PTGER3: variants seen among roughly 807,000 people sequenced by gnomAD.
PTGER3 encodes prostaglandin E2 receptor EP3 subtype.
A neutral mutation model predicts 34.7 loss-of-function variants in PTGER3; 22 were observed. The ratio of observed to expected loss-of-function variants is 0.63; its 90% CI spans 0.45 to 0.91. The LOEUF is 0.91. Ranked by LOEUF, PTGER3 falls within the 40% of genes least tolerant of loss-of-function variation. The pLI, the probability that PTGER3 is intolerant of heterozygous loss-of-function variation, is 0.00. For missense variants in PTGER3, 468 were observed against 519.4 expected, an observed-to-expected ratio of 0.90 and a Z score of 0.96; for synonymous variants, 241 against 230.1, an observed-to-expected ratio of 1.05 and a Z score of -0.43.
At chr1:70,983,322 G>A (rs1313294297) in intron 2 of PTGER3, among the ~76,000 whole-genome samples, 3 of 151,332 alleles carry the variant, frequency 2.0e-5, no homozygotes, top group Non-Finnish European at 4.4e-5. Context: ...GCTAGAATTG[G>A]GGATATTTGG....
intron 4 of PTGER3, among the ~76,000 whole-genome samples, chr1:70,859,616 C>A (rs6656853): frequency 2.0e-5 from 3 of 152,058 alleles, no homozygotes; most frequent in Non-Finnish European, 4.4e-5. Context: ...ACATAACGGG[C>A]GAAAACACAG....
intron 2 of PTGER3, among the ~76,000 whole-genome samples, chr1:70,954,684 A>T (rs1335005770): frequency 6.6e-6 from 1 of 152,128 alleles, no homozygotes; most frequent in Admixed American, 6.5e-5. Context: ...TTTCACTATT[A>T]CAGTTTTCTC....
At chr1:70,887,382 G>C (rs1359261280) in intron 4 of PTGER3, among the ~76,000 whole-genome samples, 2 of 152,110 alleles carry the variant, frequency 1.3e-5, no homozygotes, top group East Asian at 3.9e-4. Context: ...CTGATTTTCT[G>C]CATGTTGCTG....
chr1:70,946,200 A>T (rs1650212360), intron 4 of PTGER3, among the ~76,000 whole-genome samples: 1 of 151,974 alleles, frequency 6.6e-6, no homozygotes, highest in African/African-American at 2.4e-5. Context: ...TATCACTTTT[A>T]TGAATTTACC....
At chr1:71,046,307 C>CAAAAAAA (rs1660807720) in intron 1 of PTGER3, among the ~76,000 whole-genome samples, 1 of 116,534 alleles carries the variant, frequency 8.6e-6, no homozygotes, top group Admixed American at 8.6e-5. Context: ...AAAAAAAAAA[C>CAAAAAAA]CCCACAATAT....
intron 1 of PTGER3, among the ~76,000 whole-genome samples, chr1:71,045,214 G>A (rs1223813787): frequency 6.6e-6 from 1 of 151,982 alleles, no homozygotes; most frequent in Non-Finnish European, 1.5e-5. Flanking sequence ...TACCAAACCA[G>A]GTTAAAGAAA....
At position 70,983,283 on chromosome 1, in the gene PTGER3, T is replaced by G. The variant is rs993026726; in HGVS notation, c.1078-8895A>C. Among the ~76,000 whole-genome samples the G allele has an allele frequency of 3.7e-5, 3 of 80,846 alleles. No homozygotes were observed. In the East Asian group the frequency reaches 9.6e-4, roughly 26 times the overall value. 53.0% of individuals were successfully genotyped at this position (80,846 alleles called of 152,430 possible). A position where few individuals can be genotyped will look rare whatever the true frequency, so the allele number is the denominator to read the frequency against. On this transcript the variant is annotated intron_variant, in intron 2 of 3. Coordinates refer to ENST00000306666, the MANE Select transcript of PTGER3 (RefSeq NM_198719.2). ...ATGTGCTTGAGTTTTTTAATTAATC[T>G]GAAAAAAAAAACAACGGAACTTTCT...
At chr1:71,010,130 GT>G (rs973744594) in intron 2 of PTGER3, 96 of 984,930 alleles carry the variant, frequency 9.7e-5, no homozygotes, top group South Asian at 1.9e-4. Flanking sequence ...TAAGTGTCAG[GT>G]TTTTTGCCTT....
At chr1:70,982,108 G>T (rs564488785) in intron 2 of PTGER3, among the ~76,000 whole-genome samples, 1 of 151,988 alleles carries the variant, frequency 6.6e-6, no homozygotes, top group African/African-American at 2.4e-5. Flanking sequence ...ATAAAGCTAG[G>T]TGCCTAGGAA....
rs187920866 is a variant in PTGER3 at position 70,944,462 on chromosome 1, G to C, written c.*23+9301C>G. ...TCAGGGCAAAAGACAGAAAAACCCAGATTCTTCACACATCATTTGAGCACC... is the reference window on the plus strand; with the variant it reads ...TCAGGGCAAAAGACAGAAAAACCCACATTCTTCACACATCATTTGAGCACC... On this transcript the variant is annotated intron_variant, in intron 4 of 4. Transcript: ENST00000370931. 6.1e-3 allele frequency among the ~76,000 whole-genome samples: 932 copies of C among 152,204 alleles called. 5 individuals are homozygous for C. Among genetic ancestry groups the C allele is most frequent in the Admixed American group, 9.6e-3 (146 of 15,266 alleles).
At chr1:70,981,089 T>C (rs1035033160) in intron 2 of PTGER3, among the ~76,000 whole-genome samples, 19 of 152,050 alleles carry the variant, frequency 1.2e-4, no homozygotes, top group Admixed American at 2.6e-4. Context: ...CAACTGTTAA[T>C]AGAAACAAAA....
chr1:70,987,933 A>G (rs1196268811), intron 2 of PTGER3, among the ~76,000 whole-genome samples: 2 of 152,176 alleles, frequency 1.3e-5, no homozygotes. Flanking sequence ...TCACCAATAA[A>G]AATGTTTTAT....
chr1:70,861,576 G>T (rs1315095314), intron 4 of PTGER3, among the ~76,000 whole-genome samples: 1 of 152,066 alleles, frequency 6.6e-6, no homozygotes, highest in Non-Finnish European at 1.5e-5. Flanking sequence ...CCATAAATTT[G>T]CACAATCATT....
intron 2 of PTGER3, among the ~76,000 whole-genome samples, chr1:70,984,748 A>T (rs963665451): frequency 2.6e-5 from 4 of 152,134 alleles, no homozygotes; most frequent in Non-Finnish European, 4.4e-5. Context: ...TTAAAAAAAA[A>T]TTTTAAGTCA....
At chr1:70,999,165 C>T (rs1656253688) in intron 2 of PTGER3, among the ~76,000 whole-genome samples, 1 of 152,078 alleles carries the variant, frequency 6.6e-6, no homozygotes, top group Non-Finnish European at 1.5e-5. Flanking sequence ...ATTCAAAAGA[C>T]AATGTACAAA....
At position 71,047,082 on chromosome 1, in the gene PTGER3, C is replaced by T. The variant is rs1170326123; in HGVS notation, c.496G>A (p.Ala166Thr). The T allele has an allele frequency of 6.2e-7, 1 of 1,610,244 alleles. No individual in the cohort carries two copies. Among genetic ancestry groups the T allele is most frequent in the Non-Finnish European group, 8.5e-7 (1 of 1,178,794 alleles). Residue 166 changes from alanine to threonine, a missense_variant, in exon 1 of 4, where the codon GCG (alanine) becomes ACG (threonine). By Grantham distance (58) the Ala-to-Thr change is moderately conservative. Coordinates refer to ENST00000306666, the MANE Select transcript of PTGER3 (RefSeq NM_198719.2). Reference protein sequence around the residue: ...ALAIRAPHWYASHMKTRATRA... With the variant: ...ALAIRAPHWYTSHMKTRATRA... ...GTGGCACGCGTCTTCATGTGGCTCG[C>T]ATACCAGTGCGGCGCCCTGATGGCC...
At chr1:70,889,862 A>G (rs1646578539) in intron 4 of PTGER3, among the ~76,000 whole-genome samples, 1 of 150,264 alleles carries the variant, frequency 6.7e-6, no homozygotes, top group South Asian at 2.2e-4. Context: ...CCCTTGGGAC[A>G]GTTTACTTTT....
chr1:70,939,707 C>A (rs1484671780), intron 4 of PTGER3, among the ~76,000 whole-genome samples: 1 of 152,228 alleles, frequency 6.6e-6, no homozygotes, highest in Non-Finnish European at 1.5e-5. Context: ...ACATTGGCCC[C>A]TTTTATCCAT....
intron 4 of PTGER3, among the ~76,000 whole-genome samples, chr1:70,930,020 C>G (rs1648533737): frequency 6.6e-6 from 1 of 152,108 alleles, no homozygotes; most frequent in Admixed American, 6.6e-5. Context: ...ACATTTATAT[C>G]AAAAGATGAA....
Sources: allele counts gnomAD v4.1 joint callset (sites outside exome capture counted in the v4.1 genomes callset), GRCh38; gene constraint gnomAD v4.1.1; transcripts MANE v1.5; gene names NCBI Gene and HGNC (gene_info 2026-07-23, HGNC 2026-07-21).